The following BAZ1A variants were observed in gnomAD, a reference collection of about 807,000 sequenced individuals.
BAZ1A encodes bromodomain adjacent to zinc finger domain 1A, also known as bromodomain adjacent to zinc finger domain protein 1A.
A neutral mutation model predicts 185.2 loss-of-function variants in BAZ1A; 50 were observed. The ratio of observed to expected loss-of-function variants is 0.27; its 90% CI spans 0.22 to 0.34. The LOEUF is 0.34. Ranked by LOEUF, BAZ1A falls within the 10% of genes least tolerant of loss-of-function variation. The pLI, the probability that BAZ1A is intolerant of heterozygous loss-of-function variation, is 1.00. For synonymous variants in BAZ1A, 571 were observed against 615.6 expected (o/e 0.93, Z 1.07); for missense variants, 1,356 against 1,839.9 (o/e 0.74, Z 4.81).
chr14:34,779,887 T>A (rs1879924452), intron 17 of BAZ1A, among the ~76,000 whole-genome samples: 3 of 152,218 alleles, frequency 2.0e-5, no homozygotes, highest in African/African-American at 7.2e-5. Flanking sequence ...TGAAGCTTGA[T>A]GACTAACCAA....
At chr14:34,799,225 G>A (rs572448591) in intron 9 of BAZ1A, among the ~76,000 whole-genome samples, 2 of 117,014 alleles carry the variant, frequency 1.7e-5, no homozygotes, top group South Asian at 6.7e-4. Flanking sequence ...CATACACCAG[G>A]GCCTGTTGTG....
At chr14:34,816,964 G>T in intron 4 of BAZ1A, 1 of 282,448 alleles carries the variant, frequency 3.5e-6, no homozygotes. Context: ...AGGAACAATA[G>T]CGGACAATAT....
chr14:34,857,228 G>A (rs917836997), intron 3 of BAZ1A, among the ~76,000 whole-genome samples: 2 of 151,882 alleles, frequency 1.3e-5, no homozygotes, highest in African/African-American at 2.4e-5. Flanking sequence ...GGATGGTCTC[G>A]ATCTCCTGAC....
At chr14:34,869,557 AAAC>A (rs2042919892) in intron 2 of BAZ1A, among the ~76,000 whole-genome samples, 1 of 152,232 alleles carries the variant, frequency 6.6e-6, no homozygotes, top group Non-Finnish European at 1.5e-5. Flanking sequence ...AGTATGGGGC[AAAC>A]AACAAGGCAG....
rs573915885 is a variant in BAZ1A at position 34,843,931 on chromosome 14, C to T, written c.393-17775G>A. ...TAAGAATGGTTTAAACACGGCCGGG[C>T]GCGGTGGCTCACGCCTGTAATCCCA... On this transcript the variant is annotated intron_variant, in intron 3 of 26. Coordinates refer to ENST00000360310, the MANE Select transcript of BAZ1A (RefSeq NM_013448.3). 2.6e-5 allele frequency among the ~76,000 whole-genome samples: 4 copies of T among 152,186 alleles called. No individual in the cohort carries two copies. In the South Asian group the frequency reaches 6.2e-4, roughly 24 times the overall value.
intron 14 of BAZ1A, among the ~76,000 whole-genome samples, chr14:34,784,611 G>A (rs558466023): frequency 4.7e-4 from 71 of 151,366 alleles, no homozygotes; most frequent in South Asian, 1.0e-3. Flanking sequence ...TCCGCCTTCC[G>A]GGTTCACGCC....
rs1214749522 is a variant in BAZ1A at position 34,784,380 on chromosome 14, A to C, written c.1832-453T>G. On this transcript the variant is annotated intron_variant, in intron 14 of 26. Coordinates refer to ENST00000360310, the MANE Select transcript of BAZ1A (RefSeq NM_013448.3). ...GAGACTCTGTCTCAAAAAAAAAAAA[A>C]AAAAAAAAAAAAAAAGGCAACTTTG... 1.0e-4 allele frequency among the ~76,000 whole-genome samples: 15 copies of C among 149,646 alleles called. 1 individual carries two copies. The highest frequency in any genetic ancestry group is 1.3e-4 in the Non-Finnish European group (9 of 67,288).
rs369189642 is a variant in BAZ1A at position 34,757,321 on chromosome 14, C to T, written c.4386+1383G>A. ...TGGAGGTTGTAGTGAGCTGAGATCGCGCCATTGCACTCCAGCCTGGATGAC... is the reference window on the plus strand; with the variant it reads ...TGGAGGTTGTAGTGAGCTGAGATCGTGCCATTGCACTCCAGCCTGGATGAC... On this transcript the variant is annotated intron_variant, in intron 25 of 26. Transcript: ENST00000360310. Among the ~76,000 whole-genome samples, 23 of 146,530 alleles carry T rather than the reference C, an allele frequency of 1.6e-4. No individual in the cohort carries two copies. The East Asian group carries it at 1.9e-3, about 12-fold the overall frequency.
At chr14:34,791,151 G>A (rs973497521) in intron 12 of BAZ1A, among the ~76,000 whole-genome samples, 1 of 151,774 alleles carries the variant, frequency 6.6e-6, no homozygotes, top group Non-Finnish European at 1.5e-5. Context: ...GAAGAGAAAA[G>A]AGAAGAGAAG....
At chr14:34,835,709 G>A (rs1403317675) in intron 3 of BAZ1A, among the ~76,000 whole-genome samples, 1 of 143,356 alleles carries the variant, frequency 7.0e-6, no homozygotes, top group East Asian at 2.0e-4. Context: ...TTTCTCTCTT[G>A]TTGCCAGGCT....
At chr14:34,769,331 C>G (rs753898497) in intron 21 of BAZ1A, among the ~76,000 whole-genome samples, 1 of 152,078 alleles carries the variant, frequency 6.6e-6, no homozygotes, top group African/African-American at 2.4e-5. Context: ...TATAAATGAC[C>G]AACATTTGAC....
intron 1 of BAZ1A, 39 bp downstream of exon 1, chr14:34,875,099 T>C (rs1361253512): frequency 1.7e-5 from 6 of 362,674 alleles, no homozygotes; most frequent in African/African-American, 1.1e-4. Context: ...TCGCCTCCAC[T>C]TCCCCGCCGG....
chr14:34,815,102 C>G (rs1033413182), intron 4 of BAZ1A, among the ~76,000 whole-genome samples: 14 of 152,128 alleles, frequency 9.2e-5, no homozygotes, highest in African/African-American at 3.1e-4. Context: ...GGATTTAAGG[C>G]TGTAAAATGT....
At chr14:34,789,261 A>C (rs1880690590) in intron 12 of BAZ1A, among the ~76,000 whole-genome samples, 1 of 152,202 alleles carries the variant, frequency 6.6e-6, no homozygotes, top group Admixed American at 6.5e-5. Context: ...TTCAACCTAT[A>C]CCATCTATAG....
chr14:34,866,018 T>C (rs1405465767), intron 2 of BAZ1A, among the ~76,000 whole-genome samples: 1 of 151,616 alleles, frequency 6.6e-6, no homozygotes, highest in African/African-American at 2.4e-5. Flanking sequence ...CGAGACCCTG[T>C]CTCCACCAAA....
At chr14:34,862,961 T>G (rs2042793859) in intron 2 of BAZ1A, among the ~76,000 whole-genome samples, 1 of 150,368 alleles carries the variant, frequency 6.7e-6, no homozygotes, top group African/African-American at 2.4e-5. Context: ...CGCATTTACC[T>G]ATTTTCAAAA....
chr14:34,848,090 G>A (rs1022267428), intron 3 of BAZ1A, among the ~76,000 whole-genome samples: 1 of 152,018 alleles, frequency 6.6e-6, no homozygotes, highest in Non-Finnish European at 1.5e-5. Context: ...TTGAACTCCT[G>A]AGCCCAAGAC....
chr14:34,759,342 G>A lies in BAZ1A; in HGVS notation c.4244-496C>T, dbSNP rs113314530. Among the ~76,000 whole-genome samples, 1,111 of 151,716 alleles carry A rather than the reference G, an allele frequency of 7.3e-3. 13 individuals carry two copies. Among genetic ancestry groups the A allele is most frequent in the African/African-American group, 0.025 (1,038 of 41,372 alleles). On this transcript the variant is annotated intron_variant, in intron 24 of 26. Transcript: ENST00000360310. ...ACTATAGGCACCCGCCACGGCGCCC[G>A]GCTAATTTTGTTTTGTATTTTTAGT...
chr14:34,770,274 C>A (rs1879122364), intron 21 of BAZ1A, among the ~76,000 whole-genome samples: 1 of 152,188 alleles, frequency 6.6e-6, no homozygotes. Context: ...CTGCCTCAGC[C>A]TCCCAAGTAG....
Sources: gnomAD v4.1 joint callset for allele counts (sites outside exome capture counted in the v4.1 genomes callset) on GRCh38, gnomAD v4.1.1 for gene constraint, MANE v1.5 for transcripts, NCBI Gene and HGNC (gene_info 2026-07-23, HGNC 2026-07-21) for gene names.